Variants in DYRK4 observed in about 807,000 individuals in gnomAD.
The protein encoded by DYRK4 is dual specificity tyrosine-phosphorylation-regulated kinase 4.
A neutral mutation model predicts 68.3 loss-of-function variants in DYRK4; 64 were observed. The ratio of observed to expected loss-of-function variants is 0.94; its 90% CI spans 0.77 to 1.15. The LOEUF is 1.15. Ranked by LOEUF, DYRK4 falls within the 50% of genes most tolerant of loss-of-function variation. The pLI, the probability that DYRK4 is intolerant of heterozygous loss-of-function variation, is 0.00. For missense variants in DYRK4, 740 were observed against 764.7 expected, an observed-to-expected ratio of 0.97 and a Z score of 0.38; for synonymous variants, 274 against 289.9, an observed-to-expected ratio of 0.95 and a Z score of 0.56.
chr12:4,599,618 T>C, intron 9 of DYRK4, 89 bp from the exon 10 acceptor site: 1 of 927,564 alleles, frequency 1.1e-6, no homozygotes, highest in Non-Finnish European at 1.7e-6. Flanking sequence ...ATATTTGAAC[T>C]GGGCCCTGAA....
chr12:4,562,320 A>G, intron 1 of DYRK4, 37 bp downstream of exon 1: 1 of 1,526,550 alleles, frequency 6.6e-7, no homozygotes, highest in Non-Finnish European at 8.8e-7. Context: ...ACGAGCAGTC[A>G]GGCGCGAGTA....
At chr12:4,578,698 C>G (rs1484938461) in intron 2 of DYRK4, among the ~76,000 whole-genome samples, 1 of 152,164 alleles carries the variant, frequency 6.6e-6, no homozygotes, top group Non-Finnish European at 1.5e-5. Flanking sequence ...TATCTTTTAA[C>G]TTTTTACTAG....
chr12:4,584,595 G>A (rs894184684), intron 2 of DYRK4, among the ~76,000 whole-genome samples: 10 of 122,420 alleles, frequency 8.2e-5, no homozygotes, highest in South Asian at 2.5e-4. Context: ...TTGCTCTGTC[G>A]CCCAGGCTGG....
chr12:4,608,912 A>T (rs545758397), intron 12 of DYRK4, among the ~76,000 whole-genome samples: 2 of 152,200 alleles, frequency 1.3e-5, no homozygotes, highest in Non-Finnish European at 2.9e-5. Flanking sequence ...TAATTTACAC[A>T]TGGAGCACGC....
intron 2 of DYRK4, among the ~76,000 whole-genome samples, chr12:4,585,544 C>T (rs570577343): frequency 3.3e-5 from 5 of 152,164 alleles, no homozygotes; most frequent in Admixed American, 6.5e-5. Flanking sequence ...AACCAAACAC[C>T]GCATGTTCTC....
chr12:4,608,686 C>A (rs1459193462), intron 12 of DYRK4, among the ~76,000 whole-genome samples: 1 of 152,132 alleles, frequency 6.6e-6, no homozygotes, highest in Non-Finnish European at 1.5e-5. Flanking sequence ...TCTCTATGAT[C>A]CTACTCCAGT....
At position 4,605,729 on chromosome 12, in the gene DYRK4, GTTTTTTTTT is replaced by G. The variant is rs58963826; in HGVS notation, c.1299+661_1299+669del. Among the ~76,000 whole-genome samples, 45 of 102,104 alleles carry G rather than the reference GTTTTTTTTT, an allele frequency of 4.4e-4. No individual in the cohort carries two copies. In the South Asian group the frequency reaches 7.6e-3, roughly 17 times the overall value. The allele number at this position is 102,104 out of a possible 152,430, so 67.0% of individuals were successfully genotyped here. A position where few individuals can be genotyped will look rare whatever the true frequency, so the allele number is the denominator to read the frequency against. On this transcript the variant is annotated intron_variant, in intron 11 of 14. Coordinates refer to ENST00000543431, the MANE Select transcript of DYRK4 (RefSeq NM_001394779.1). ...CTCTTAGAAAAATGAATAGAGCTGG[GTTTTTTTTT>G]TTTTTTTTTTTTTTTTTCCAAATTA...
At chr12:4,577,086 C>T (rs765673093) in intron 2 of DYRK4, among the ~76,000 whole-genome samples, 1 of 152,088 alleles carries the variant, frequency 6.6e-6, no homozygotes, top group Non-Finnish European at 1.5e-5. Context: ...AACTGAAGGT[C>T]ACCTAGATTT....
At position 4,604,993 on chromosome 12, in the gene DYRK4, G is replaced by A. The variant is rs1047374411; in HGVS notation, c.1206G>A (p.Met402Ile). 39 of 1,614,006 alleles carry A rather than the reference G, an allele frequency of 2.4e-5. No homozygotes were observed. Among genetic ancestry groups the A allele is most frequent in the Non-Finnish European group, 3.1e-5 (36 of 1,179,980 alleles). The change falls in exon 11 of 15, where the codon ATG becomes ATA. Residue 402 changes from methionine (M) to isoleucine (I), a missense_variant. Around this residue, in one of 3 missense-constraint regions of DYRK4, gnomAD observed 614 missense variants for 603.7 expected, o/e 1.02. Coordinates refer to ENST00000543431, the MANE Select transcript of DYRK4 (RefSeq NM_001394779.1). ...ACCCCTACGACGTGGCCATTGACAT[G>A]TGGAGCCTGGGCTGCATCACGGCGG... ...LGHPYDVAID[M>I]WSLGCITAEL...
In DYRK4 at chr12:4,599,139, G is replaced by A; in HGVS notation, c.1017G>A (p.Glu339=). Residue 339 remains glutamate (E), a synonymous_variant, in exon 9 of 15, where the codon GAG becomes GAA. Coordinates refer to ENST00000543431, the MANE Select transcript of DYRK4 (RefSeq NM_001394779.1). ...AGTGCTTGCAGATGCTTTCGGTAGA[G>A]AAAATCATTCACTGTGATCTCAAGC... The part of the protein sequence containing the change: ...VLKCLQMLSV[E]KIIHCDLKPE... The A allele has an allele frequency of 6.2e-7, 1 of 1,614,094 alleles. No individual in the cohort carries two copies. Among genetic ancestry groups the A allele is most frequent in the Non-Finnish European group, 8.5e-7 (1 of 1,180,044 alleles).
intron 10 of DYRK4, 175 bp from the exon 11 acceptor site, chr12:4,604,739 G>T (rs1945120343): frequency 3.0e-6 from 1 of 328,582 alleles, no homozygotes. Flanking sequence ...TTATAATCAG[G>T]TTGCTGGCGG....
At chr12:4,609,557 T>C (rs537624431) in intron 12 of DYRK4, among the ~76,000 whole-genome samples, 2 of 152,272 alleles carry the variant, frequency 1.3e-5, no homozygotes, top group Non-Finnish European at 2.9e-5. Flanking sequence ...TGGTAAGATA[T>C]TATACTTAGG....
At chr12:4,589,437 C>G (rs1944929837) in intron 3 of DYRK4, among the ~76,000 whole-genome samples, 1 of 152,078 alleles carries the variant, frequency 6.6e-6, no homozygotes, top group Non-Finnish European at 1.5e-5. Context: ...ATTCAGTGTA[C>G]GTTTTTGTAC....
At chr12:4,602,615 T>C in intron 10 of DYRK4, 1 of 1,348,536 alleles carries the variant, frequency 7.4e-7, no homozygotes, top group South Asian at 1.2e-5. Context: ...GAATCTTCTT[T>C]CTTGATGCCA....
rs1039413189 is a variant in DYRK4 at position 4,596,855 on chromosome 12, C to T, written c.905+126C>T. The T allele has an allele frequency of 3.3e-6, 5 of 1,528,750 alleles. No homozygotes were observed. In the Admixed American group the frequency reaches 1.2e-4, roughly 35 times the overall value. The allele number at this position is 1,528,750 out of a possible 1,614,324, so 94.7% of individuals were successfully genotyped here. On this transcript the variant is annotated intron_variant, in intron 8 of 14. Coordinates refer to ENST00000543431, the MANE Select transcript of DYRK4 (RefSeq NM_001394779.1). The stretch of plus-strand genomic sequence containing the variant: ...GTAACTAGAATGGACATGACAGTCA[C>T]TCAGTTATCCAGAATGCCCAGGAGC...
intron 2 of DYRK4, among the ~76,000 whole-genome samples, chr12:4,583,303 A>G (rs988434780): frequency 6.6e-5 from 10 of 151,626 alleles, no homozygotes; most frequent in African/African-American, 2.4e-4. Flanking sequence ...GCACTGTTCT[A>G]CATCTCAGCA....
At chr12:4,608,448 A>C (rs544882162) in intron 12 of DYRK4, among the ~76,000 whole-genome samples, 48 of 152,238 alleles carry the variant, frequency 3.2e-4, no homozygotes, top group Middle Eastern at 6.8e-3. Context: ...GAAGGTCCAA[A>C]ACACTCTCGT....
rs780888385 is a variant in DYRK4, at chr12:4,605,728, G to GTT, written c.1299+642_1299+643insTT. Among the ~76,000 whole-genome samples the GTT allele has an allele frequency of 5.0e-3, 341 of 68,882 alleles. 24 individuals carry two copies. The highest frequency in any genetic ancestry group is 5.9e-3 in the South Asian group (9 of 1,532). The allele number at this position is 68,882 out of a possible 152,430, so 45.2% of individuals were successfully genotyped here. ...GCTCTTAGAAAAATGAATAGAGCTG[G>GTT]GTTTTTTTTTTTTTTTTTTTTTTTT... is the stretch of plus-strand genomic sequence containing the variant. On this transcript the variant is annotated intron_variant, in intron 11 of 14. Coordinates refer to ENST00000543431, the MANE Select transcript of DYRK4 (RefSeq NM_001394779.1).
Position 4,599,279 on chromosome 12 carries a change from T to TG in DYRK4, c.1044+113_1044+114insG, listed in dbSNP as rs1945054102. ...AAATAATTGCCTTTGACTTTTTTTT[T>TG]TTTTTTTTTTTTTGGTGCTCTACTG... On this transcript the variant is annotated intron_variant, in intron 9 of 14. Coordinates refer to ENST00000543431, the MANE Select transcript of DYRK4 (RefSeq NM_001394779.1). The TG allele has an allele frequency of 1.5e-5, 17 of 1,138,060 alleles. 1 individual carries two copies. Among genetic ancestry groups the TG allele is most frequent in the East Asian group, 7.6e-5 (3 of 39,564 alleles). The allele number at this position is 1,138,060 out of a possible 1,614,324, so 70.5% of individuals were successfully genotyped here.
Sources: allele counts gnomAD v4.1 joint callset (sites outside exome capture counted in the v4.1 genomes callset), GRCh38; gene constraint gnomAD v4.1.1; regional missense constraint gnomAD v4.1.1; transcripts MANE v1.5; gene names NCBI Gene and HGNC (gene_info 2026-07-23, HGNC 2026-07-21).